MLEC: variants seen among roughly 807,000 people sequenced by gnomAD.
The protein encoded by MLEC is malectin.
MLEC carries 7 observed loss-of-function variants against 28.7 expected under a neutral mutation model. The ratio of observed to expected loss-of-function variants is 0.24; its 90% CI spans 0.14 to 0.46. The LOEUF is 0.46. MLEC is among the 20% of genes least tolerant of loss of function. The probability of loss-of-function intolerance (pLI) is 0.99; values close to 1 mark genes in which losing one functional copy is unlikely to be tolerated. For synonymous variants in MLEC, 142 were observed against 164.4 expected, an observed-to-expected ratio of 0.86 and a Z score of 1.04; for missense variants, 237 against 391.1, an observed-to-expected ratio of 0.61 and a Z score of 3.32.
rs527574988 is a variant in MLEC at position 120,695,515 on chromosome 12, A to C, written c.649+363A>C. Among the ~76,000 whole-genome samples the C allele has an allele frequency of 2.0e-5, 3 of 152,336 alleles. 1 individual carries two copies. Among genetic ancestry groups the C allele is most frequent in the Admixed American group, 6.5e-5 (1 of 15,304 alleles). On this transcript the variant is annotated intron_variant, in intron 4 of 4. Transcript: ENST00000228506. ...GTTTGACATCTCTTTCCTAGGGGAA[A>C]AAAAGGTAAAAGGAGGAGTCCTGTA...
Position 120,687,917 on chromosome 12 carries a change from C to G in MLEC, c.235+386C>G, listed in dbSNP as rs1881890521. Among the ~76,000 whole-genome samples the G allele has an allele frequency of 6.6e-6, 1 of 152,156 alleles. No homozygotes were observed. Among genetic ancestry groups the G allele is most frequent in the Non-Finnish European group, 1.5e-5 (1 of 68,022 alleles). ...AGTTCTTGGGAGATTCTCGTCGACCCAGGAATCGGCCGCTTTCCTTGCCCC... is the reference window on the plus strand; with the variant it reads ...AGTTCTTGGGAGATTCTCGTCGACCGAGGAATCGGCCGCTTTCCTTGCCCC... On this transcript the variant is annotated intron_variant, in intron 1 of 4. Transcript: ENST00000228506. This position sits in a 1 kb window ranked among gnomAD's most constrained non-coding sequence, Gnocchi z 8.1.
At position 120,696,217 on chromosome 12, in the gene MLEC, A is replaced by G. The variant is rs1882224315; in HGVS notation, c.650-99A>G. On this transcript the variant is annotated intron_variant, in intron 4 of 4. Coordinates refer to ENST00000228506, the MANE Select transcript of MLEC (RefSeq NM_014730.4). The surrounding 1 kb of genome is among the most constrained non-coding windows in gnomAD (Gnocchi z 5.4). ...TGGTCTTTTCTCTGGACCCGGGTTCAATCACAGCAATCTCTTTATTGTGGC... is the reference window on the plus strand; with the variant it reads ...TGGTCTTTTCTCTGGACCCGGGTTCGATCACAGCAATCTCTTTATTGTGGC... The G allele has an allele frequency of 6.8e-7, 1 of 1,479,560 alleles. No individual in the cohort carries two copies. Among genetic ancestry groups the G allele is most frequent in the African/African-American group, 1.4e-5 (1 of 71,352 alleles). The allele number at this position is 1,479,560 out of a possible 1,614,324, so 91.7% of individuals were successfully genotyped here.
Position 120,687,296 on chromosome 12 carries a change from C to G in MLEC, c.-1C>G. On this transcript the variant is annotated 5_prime_UTR_variant, in exon 1 of 5. Coordinates refer to ENST00000228506, the MANE Select transcript of MLEC (RefSeq NM_014730.4). The surrounding 1 kb of genome is among the most constrained non-coding windows in gnomAD (Gnocchi z 8.1). ...GGGCTGCCCCCGTGGTGGTGGCCGCCATGCTGGGAGCCTGGGCGGTTGAGG... is the reference window on the plus strand; with the variant it reads ...GGGCTGCCCCCGTGGTGGTGGCCGCGATGCTGGGAGCCTGGGCGGTTGAGG... 2.2e-6 allele frequency: 3 copies of G among 1,388,310 alleles called. No individual in the cohort carries two copies. Among genetic ancestry groups the G allele is most frequent in the Non-Finnish European group, 2.8e-6 (3 of 1,076,708 alleles). 86.0% of individuals were successfully genotyped at this position (1,388,310 alleles called of 1,614,324 possible).
In MLEC at chr12:120,699,609, C is replaced by T. The variant is rs998413558; in HGVS notation, c.*3064C>T. ...GGATTTGTGTCCCTTAAACCAGACT[C>T]ACTTTTCTGAAAAATCTCCATTGTT... On this transcript the variant is annotated 3_prime_UTR_variant, in exon 5 of 5. Transcript: ENST00000228506. 1.3e-5 allele frequency: 2 copies of T among 152,232 alleles called. No homozygotes were observed. Among genetic ancestry groups the T allele is most frequent in the African/African-American group, 4.8e-5 (2 of 41,454 alleles). 9.4% of individuals were successfully genotyped at this position (152,232 alleles called of 1,614,324 possible).
rs2137421123 is a variant in MLEC, at chr12:120,696,495, G to A, written c.829G>A (p.Val277Met). 1 of 1,614,184 alleles carries A rather than the reference G, an allele frequency of 6.2e-7. No homozygotes were observed. Among genetic ancestry groups the A allele is most frequent in the South Asian group, 1.1e-5 (1 of 91,080 alleles). Residue 277 changes from valine (V) to methionine (M), a missense_variant, in exon 5 of 5, where the codon GTG becomes ATG. By Grantham distance (21) the Val-to-Met change is conservative (BLOSUM62 1). Transcript: ENST00000228506. This position sits in a 1 kb window ranked among gnomAD's most constrained non-coding sequence, Gnocchi z 5.4. ...DNSSLMFPIL[V>M]AFGVFIPTLF... Reference sequence around the variant, plus strand: ...CAGCAGCCTCATGTTTCCCATCCTGGTGGCCTTCGGAGTCTTCATTCCAAC... The same window carrying A: ...CAGCAGCCTCATGTTTCCCATCCTGATGGCCTTCGGAGTCTTCATTCCAAC...
chr12:120,687,279 C>T lies in MLEC; in HGVS notation c.-18C>T. Reference sequence around the variant, plus strand: ...AGGACGAGGGTCGGCGGGGGCTGCCCCCGTGGTGGTGGCCGCCATGCTGGG... The same window carrying T: ...AGGACGAGGGTCGGCGGGGGCTGCCTCCGTGGTGGTGGCCGCCATGCTGGG... On this transcript the variant is annotated 5_prime_UTR_variant, in exon 1 of 5. Transcript: ENST00000228506. The surrounding 1 kb of genome is among the most constrained non-coding windows in gnomAD (Gnocchi z 8.1). 1.5e-6 allele frequency: 2 copies of T among 1,372,690 alleles called. No individual in the cohort carries two copies. Among genetic ancestry groups the T allele is most frequent in the South Asian group, 1.8e-5 (1 of 55,958 alleles). The allele number at this position is 1,372,690 out of a possible 1,614,324, so 85.0% of individuals were successfully genotyped here. A position where few individuals can be genotyped will look rare whatever the true frequency, so the allele number is the denominator to read the frequency against.
Position 120,696,785 on chromosome 12 carries a change from C to G in MLEC, c.*240C>G. 1.8e-6 allele frequency: 1 copy of G among 566,982 alleles called. No individual in the cohort carries two copies. The highest frequency in any genetic ancestry group is 3.1e-6 in the Non-Finnish European group (1 of 325,226). The allele number at this position is 566,982 out of a possible 1,614,324, so 35.1% of individuals were successfully genotyped here. ...GTGGCTGGCTCCCAGCCTTCTCTTT[C>G]CTCTTGAGGATACTTAGGGTAAACT... On this transcript the variant is annotated 3_prime_UTR_variant, in exon 5 of 5. Coordinates refer to ENST00000228506, the MANE Select transcript of MLEC (RefSeq NM_014730.4). The surrounding 1 kb of genome is among the most constrained non-coding windows in gnomAD (Gnocchi z 5.4).
Position 120,687,673 on chromosome 12 carries a change from C to A in MLEC, c.235+142C>A. The A allele has an allele frequency of 1.8e-6, 1 of 563,472 alleles. No homozygotes were observed. Among genetic ancestry groups the A allele is most frequent in the Non-Finnish European group, 2.8e-6 (1 of 352,816 alleles). 34.9% of individuals were successfully genotyped at this position (563,472 alleles called of 1,614,324 possible). On this transcript the variant is annotated intron_variant, in intron 1 of 4. Coordinates refer to ENST00000228506, the MANE Select transcript of MLEC (RefSeq NM_014730.4). The surrounding 1 kb of genome is among the most constrained non-coding windows in gnomAD (Gnocchi z 8.1). ...TTTCTCTCTGCAGCTTCTTCGGGGGCCCGCTCTGAGCTCAGGGCCTGGCAC... is the reference window on the plus strand; with the variant it reads ...TTTCTCTCTGCAGCTTCTTCGGGGGACCGCTCTGAGCTCAGGGCCTGGCAC...
At position 120,701,768 on chromosome 12, in the gene MLEC, C is replaced by T. The variant is rs982840915; in HGVS notation, c.*5223C>T. ...TGTCTCCATCTGACCCTACCCCTTC[C>T]ATGTCCCACCCCACTCCCACCAAAA... On this transcript the variant is annotated 3_prime_UTR_variant, in exon 5 of 5. Coordinates refer to ENST00000228506, the MANE Select transcript of MLEC (RefSeq NM_014730.4). The surrounding 1 kb of genome is among the most constrained non-coding windows in gnomAD (Gnocchi z 4.0). 6.5e-6 allele frequency: 1 copy of T among 152,706 alleles called. No homozygotes were observed. The highest frequency in any genetic ancestry group is 1.5e-5 in the Non-Finnish European group (1 of 68,092). The allele number at this position is 152,706 out of a possible 1,614,324, so 9.5% of individuals were successfully genotyped here.
At chr12:120,695,420 T>C (rs1268394505) in intron 4 of MLEC, among the ~76,000 whole-genome samples, 1 of 152,242 alleles carries the variant, frequency 6.6e-6, no homozygotes, top group East Asian at 1.9e-4. Flanking sequence ...GGATTAATAA[T>C]GGTACCTATT....
intron 1 of MLEC, among the ~76,000 whole-genome samples, chr12:120,690,366 A>C (rs1214431966): frequency 1.3e-5 from 2 of 152,178 alleles, no homozygotes; most frequent in Non-Finnish European, 2.9e-5. Context: ...TGACTAGGAA[A>C]AGACCTGGTT....
intron 1 of MLEC, among the ~76,000 whole-genome samples, chr12:120,692,231 C>T (rs1387514081): frequency 6.6e-6 from 1 of 152,156 alleles, no homozygotes; most frequent in East Asian, 1.9e-4. Context: ...ATCCGTAAAT[C>T]AAATGTAGTC....
rs1024539039 is a variant in MLEC, at chr12:120,687,734, G to A, written c.235+203G>A. Among the ~76,000 whole-genome samples the A allele has an allele frequency of 2.0e-5, 3 of 152,258 alleles. No homozygotes were observed. Among genetic ancestry groups the A allele is most frequent in the African/African-American group, 7.2e-5 (3 of 41,470 alleles). ...GTACCTAGAGTCATACAGGCAGAGA[G>A]TTGGCCAGAAGTTAGTTATATTTGG... On this transcript the variant is annotated intron_variant, in intron 1 of 4. Transcript: ENST00000228506. The surrounding 1 kb of genome is among the most constrained non-coding windows in gnomAD (Gnocchi z 8.1).
Position 120,696,682 on chromosome 12 carries a change from A to G in MLEC, c.*137A>G. ...AAACACACATCAATTAAAGGAGACAAAAAGAGGCAGAGCGAGTAGAGAGCA... is the reference window on the plus strand; with the variant it reads ...AAACACACATCAATTAAAGGAGACAGAAAGAGGCAGAGCGAGTAGAGAGCA... On this transcript the variant is annotated 3_prime_UTR_variant, in exon 5 of 5. Coordinates refer to ENST00000228506, the MANE Select transcript of MLEC (RefSeq NM_014730.4). This position sits in a 1 kb window ranked among gnomAD's most constrained non-coding sequence, Gnocchi z 5.4. 1 of 1,333,474 alleles carries G rather than the reference A, an allele frequency of 7.5e-7. No individual in the cohort carries two copies. The highest frequency in any genetic ancestry group is 1.0e-6 in the Non-Finnish European group (1 of 981,168). The allele number at this position is 1,333,474 out of a possible 1,614,324, so 82.6% of individuals were successfully genotyped here.
In MLEC at chr12:120,694,130, A is replaced by T. The variant is rs568850480; in HGVS notation, c.275A>T (p.Asn92Ile). The T allele has an allele frequency of 1.2e-6, 2 of 1,614,034 alleles. No individual in the cohort carries two copies. Among genetic ancestry groups the T allele is most frequent in the African/African-American group, 1.3e-5 (1 of 74,984 alleles). Residue 92 changes from asparagine (N) to isoleucine (I), a missense_variant, in exon 2 of 5, where the codon AAC becomes ATC. By Grantham distance (149) the Asn-to-Ile change is moderately radical. Transcript: ENST00000228506. The surrounding 1 kb of genome is among the most constrained non-coding windows in gnomAD (Gnocchi z 4.5). ...YGMKLPILRS[N>I]PEDQILYQTE... is the part of the protein sequence containing the mutation. ...ATGAAACTGCCAATCCTGCGTTCCA[A>T]CCCTGAGGACCAGATCCTGTATCAA...
chr12:120,696,857 G>T lies in MLEC; in HGVS notation c.*312G>T. 3.0e-6 allele frequency: 1 copy of T among 333,144 alleles called. No individual in the cohort carries two copies. The allele number at this position is 333,144 out of a possible 1,614,324, so 20.6% of individuals were successfully genotyped here. ...CCTCATTTGTATACCTAGTGGAAAG[G>T]ACTCTGAACTCAGAGGAGTCACTGT... On this transcript the variant is annotated 3_prime_UTR_variant, in exon 5 of 5. Coordinates refer to ENST00000228506, the MANE Select transcript of MLEC (RefSeq NM_014730.4). The surrounding 1 kb of genome is among the most constrained non-coding windows in gnomAD (Gnocchi z 5.4).
intron 4 of MLEC, 82 bp downstream of exon 4, chr12:120,695,234 G>C (rs504403): frequency 0.6 from 882,129 of 1,458,988 alleles, 275,407 homozygotes; most frequent in African/African-American, 0.93. Context: ...TTGAGCTGAT[G>C]ACTATTTTGG....
At position 120,687,184 on chromosome 12, in the gene MLEC, C is replaced by A. The variant is rs1034186593; in HGVS notation, c.-113C>A. On this transcript the variant is annotated 5_prime_UTR_variant, in exon 1 of 5. Coordinates refer to ENST00000228506, the MANE Select transcript of MLEC (RefSeq NM_014730.4). This position sits in a 1 kb window ranked among gnomAD's most constrained non-coding sequence, Gnocchi z 8.1. ...AGAAGGAGGCCTGAGAGCGACATGT[C>A]CCCGGCGGCTCAGGCGGAGCGGCCC... The A allele has an allele frequency of 1.4e-5, 17 of 1,193,374 alleles. No homozygotes were observed. Among genetic ancestry groups the A allele is most frequent in the Admixed American group, 4.3e-5 (1 of 23,462 alleles). The allele number at this position is 1,193,374 out of a possible 1,614,324, so 73.9% of individuals were successfully genotyped here.
Position 120,697,968 on chromosome 12 carries a change from A to C in MLEC, c.*1423A>C, listed in dbSNP as rs1882300356. ...GCTCTGAAGCTAACCTTAGCATCTA[A>C]GTGTCGATCTTGAATTCCCTGAAAA... On this transcript the variant is annotated 3_prime_UTR_variant, in exon 5 of 5. Coordinates refer to ENST00000228506, the MANE Select transcript of MLEC (RefSeq NM_014730.4). The surrounding 1 kb of genome is among the most constrained non-coding windows in gnomAD (Gnocchi z 4.8). The C allele has an allele frequency of 6.6e-6, 1 of 152,170 alleles. No individual in the cohort carries two copies. Among genetic ancestry groups the C allele is most frequent in the African/African-American group, 2.4e-5 (1 of 41,416 alleles). 9.4% of individuals were successfully genotyped at this position (152,170 alleles called of 1,614,324 possible).
Sources: gnomAD v4.1 joint callset for allele counts (sites outside exome capture counted in the v4.1 genomes callset) on GRCh38, gnomAD v4.1.1 for gene constraint, Gnocchi (gnomAD v3.1) non-coding constraint, MANE v1.5 for transcripts, NCBI Gene and HGNC (gene_info 2026-07-23, HGNC 2026-07-21) for gene names.